Variants in HIP1 observed in about 807,000 individuals in gnomAD.
The protein encoded by HIP1 is huntingtin interacting protein 1.
In HIP1, 65 loss-of-function variants were observed where a neutral mutation model predicts 147.6. The observed-to-expected ratio is 0.44, with a 90% CI of 0.36 to 0.54. HIP1 has a LOEUF of 0.54. HIP1 is among the 20% of genes least tolerant of loss of function. The probability of loss-of-function intolerance (pLI) is 0.00; values close to 1 mark genes in which losing one functional copy is unlikely to be tolerated. For synonymous variants in HIP1, 479 were observed against 504.0 expected (o/e 0.95, Z 0.67); for missense variants, 1,061 against 1,299.6 (o/e 0.82, Z 2.82).
intron 1 of HIP1, among the ~76,000 whole-genome samples, chr7:75,623,789 G>T (rs1283399971): frequency 6.6e-6 from 1 of 152,104 alleles, no homozygotes; most frequent in Non-Finnish European, 1.5e-5. Flanking sequence ...GTTTGAGGCT[G>T]GGCACAGTGG....
intron 1 of HIP1, among the ~76,000 whole-genome samples, chr7:75,718,009 A>G (rs1801375789): frequency 6.6e-6 from 1 of 151,672 alleles, no homozygotes; most frequent in Admixed American, 6.6e-5. Flanking sequence ...GGGGCCAGTC[A>G]TGATGGCTCA....
intron 1 of HIP1, among the ~76,000 whole-genome samples, chr7:75,669,888 A>G (rs1277242301): frequency 1.3e-5 from 2 of 152,232 alleles, no homozygotes; most frequent in African/African-American, 4.8e-5. Context: ...TGCAACCTCC[A>G]TCTCCTGGGT....
At chr7:75,696,686 C>T (rs1292829665) in intron 1 of HIP1, among the ~76,000 whole-genome samples, 2 of 150,196 alleles carry the variant, frequency 1.3e-5, no homozygotes, top group African/African-American at 4.9e-5. Flanking sequence ...CTGCAGCCTC[C>T]ACTTCCTGGG....
chr7:75,707,831 G>C (rs1182636789), intron 1 of HIP1, among the ~76,000 whole-genome samples: 1 of 128,654 alleles, frequency 7.8e-6, no homozygotes, highest in South Asian at 2.8e-4. Context: ...ACAAACCTGA[G>C]AAAAACAAGC....
intron 1 of HIP1, among the ~76,000 whole-genome samples, chr7:75,737,081 G>A (rs893373597): frequency 2.0e-5 from 3 of 151,844 alleles, no homozygotes; most frequent in Non-Finnish European, 4.4e-5. Flanking sequence ...GCCACCACAC[G>A]AGGATAATTT....
intron 29 of HIP1, among the ~76,000 whole-genome samples, chr7:75,541,252 T>C (rs1167791): frequency 0.6 from 91,129 of 151,652 alleles, 27,944 homozygotes; most frequent in African/African-American, 0.73. Flanking sequence ...AAATTAAGGC[T>C]GGGCACGGTG....
chr7:75,726,867 G>T (rs1336128404), intron 1 of HIP1, among the ~76,000 whole-genome samples: 1 of 150,968 alleles, frequency 6.6e-6, no homozygotes, highest in African/African-American at 2.4e-5. Context: ...AGTAGAGATG[G>T]GGTTTCACCA....
intron 1 of HIP1, among the ~76,000 whole-genome samples, chr7:75,658,020 A>C (rs1436022359): frequency 6.6e-6 from 1 of 152,042 alleles, no homozygotes; most frequent in African/African-American, 2.4e-5. Flanking sequence ...AACAGAGAAA[A>C]ATTTCAAAAA....
intron 1 of HIP1, among the ~76,000 whole-genome samples, chr7:75,616,119 A>T (rs1196305013): frequency 6.6e-6 from 1 of 151,200 alleles, no homozygotes; most frequent in African/African-American, 2.4e-5. Context: ...AAAGATAAGA[A>T]AAGAAAAGAA....
chr7:75,577,089 T>C (rs1795869841), intron 7 of HIP1, among the ~76,000 whole-genome samples: 1 of 151,996 alleles, frequency 6.6e-6, no homozygotes, highest in Non-Finnish European at 1.5e-5. Context: ...CCCAACACTT[T>C]GGGAGGCTGA....
intron 1 of HIP1, among the ~76,000 whole-genome samples, chr7:75,732,246 A>T (rs1330174629): frequency 6.6e-6 from 1 of 152,148 alleles, no homozygotes; most frequent in Admixed American, 6.5e-5. Context: ...GCAGGCCCTC[A>T]ATAAATATTT....
chr7:75,661,831 A>G (rs1279031295), intron 1 of HIP1, among the ~76,000 whole-genome samples: 2 of 151,824 alleles, frequency 1.3e-5, no homozygotes, highest in African/African-American at 4.8e-5. Flanking sequence ...AGGTGGTGAG[A>G]GGGATTTCTC....
intron 4 of HIP1, among the ~76,000 whole-genome samples, chr7:75,589,032 C>T (rs1189207839): frequency 6.6e-6 from 1 of 151,826 alleles, no homozygotes; most frequent in African/African-American, 2.4e-5. Flanking sequence ...TGCCTGTAAT[C>T]CCAGCTACTT....
At chr7:75,561,239 C>T (rs77320874) in intron 13 of HIP1, 90 bp downstream of exon 13, 1 of 958,458 alleles carries the variant, frequency 1.0e-6, no homozygotes. Context: ...CAGGTGTGAG[C>T]CACTGTGCCT....
chr7:75,583,759 TG>T (rs1796146224), intron 5 of HIP1, among the ~76,000 whole-genome samples: 7 of 30,970 alleles, frequency 2.3e-4, no homozygotes, highest in Admixed American at 1.4e-3. Flanking sequence ...GGCTAATTTG[TG>T]TGTGTGTGTG....
intron 1 of HIP1, among the ~76,000 whole-genome samples, chr7:75,706,940 T>C (rs1801025356): frequency 5.7e-5 from 1 of 17,642 alleles, no homozygotes; most frequent in Non-Finnish European, 1.1e-4. Flanking sequence ...ATTTCATCCA[T>C]GTCCCTACAA....
intron 1 of HIP1, among the ~76,000 whole-genome samples, chr7:75,671,383 C>A (rs982128849): frequency 3.9e-5 from 6 of 152,118 alleles, no homozygotes; most frequent in African/African-American, 1.4e-4. Context: ...TGTGAACCAC[C>A]GCACTCGGCT....
chr7:75,611,124 G>C (rs868928804), intron 1 of HIP1, among the ~76,000 whole-genome samples: 8 of 150,970 alleles, frequency 5.3e-5, no homozygotes, highest in Middle Eastern at 3.4e-3. Context: ...TTACCATGTT[G>C]GCTAGGCTGG....
chr7:75,655,441 G>T (rs1799115462), intron 1 of HIP1, among the ~76,000 whole-genome samples: 1 of 151,962 alleles, frequency 6.6e-6, no homozygotes, highest in African/African-American at 2.4e-5. Flanking sequence ...AATTAGCCAG[G>T]TGTTGTGGCG....
Sources: gnomAD v4.1 joint callset for allele counts (sites outside exome capture counted in the v4.1 genomes callset) on GRCh38, gnomAD v4.1.1 for gene constraint, MANE v1.5 for transcripts, NCBI Gene and HGNC (gene_info 2026-07-23, HGNC 2026-07-21) for gene names.